CDK8: variants seen among roughly 807,000 people sequenced by gnomAD.
The protein encoded by CDK8 is cyclin dependent kinase 8, also known as cyclin-dependent kinase 8.
A neutral mutation model predicts 71.5 loss-of-function variants in CDK8; 29 were observed. That is an observed-to-expected ratio of 0.41 (90% confidence interval 0.30 to 0.55). The LOEUF is 0.55. CDK8 is among the 20% of genes least tolerant of loss of function. The probability of loss-of-function intolerance (pLI) is 0.37; values close to 1 mark genes in which losing one functional copy is unlikely to be tolerated. For synonymous variants in CDK8, 161 were observed against 192.1 expected (o/e 0.84, Z 1.34); for missense variants, 288 against 572.6 (o/e 0.50, Z 5.07).
intron 1 of CDK8, among the ~76,000 whole-genome samples, chr13:26,272,088 T>C (rs897845178): frequency 2.6e-5 from 4 of 151,962 alleles, no homozygotes; most frequent in Non-Finnish European, 4.4e-5. Flanking sequence ...CTTTTCAGTT[T>C]TTTAAAACTT....
intron 4 of CDK8, among the ~76,000 whole-genome samples, chr13:26,378,803 C>T (rs1244138165): frequency 6.6e-6 from 1 of 152,166 alleles, no homozygotes. Context: ...GGTGCTAGAG[C>T]TTAAAAACTG....
At chr13:26,380,235 A>C (rs1565993293) in intron 4 of CDK8, among the ~76,000 whole-genome samples, 1 of 152,168 alleles carries the variant, frequency 6.6e-6, no homozygotes, top group Non-Finnish European at 1.5e-5. Flanking sequence ...GCTGGAGTGC[A>C]ATGTCCTGAT....
At chr13:26,264,512 T>C (rs1871935392) in intron 1 of CDK8, among the ~76,000 whole-genome samples, 1 of 152,188 alleles carries the variant, frequency 6.6e-6, no homozygotes, top group African/African-American at 2.4e-5. Context: ...GAATGTCTCT[T>C]ATATGATTGG....
chr13:26,300,114 C>T lies in CDK8; in HGVS notation c.129-37453C>T, dbSNP rs183071916. Among the ~76,000 whole-genome samples, 600 of 152,084 alleles carry T rather than the reference C, an allele frequency of 3.9e-3. 2 individuals carry two copies. Among genetic ancestry groups the T allele is most frequent in the Non-Finnish European group, 6.7e-3 (453 of 67,988 alleles). On this transcript the variant is annotated intron_variant, in intron 1 of 12. Transcript: ENST00000381527. ...GTTGCATACCTCAGAAAGGTTTGAA[C>T]GGTGTGTAATCTGCCCAGAGTAAGA... is the stretch of plus-strand genomic sequence containing the variant.
At chr13:26,291,535 G>A (rs933701701) in intron 1 of CDK8, among the ~76,000 whole-genome samples, 1 of 152,082 alleles carries the variant, frequency 6.6e-6, no homozygotes, top group African/African-American at 2.4e-5. Flanking sequence ...AAGTAGAATT[G>A]CACTGTAAAG....
intron 8 of CDK8, 109 bp downstream of exon 8, chr13:26,396,463 A>T (rs911076155): frequency 1.1e-4 from 42 of 387,020 alleles, no homozygotes; most frequent in Non-Finnish European, 9.4e-6. Flanking sequence ...TTACTCTAAT[A>T]AATAATTTTA....
At chr13:26,303,940 A>G (rs1282604414) in intron 1 of CDK8, among the ~76,000 whole-genome samples, 1 of 151,790 alleles carries the variant, frequency 6.6e-6, no homozygotes, top group East Asian at 1.9e-4. Context: ...ATGGTGTACT[A>G]TTTCCCCTCC....
Position 26,254,547 on chromosome 13 carries a change from G to A in CDK8, c.-95G>A. The A allele has an allele frequency of 9.2e-7, 1 of 1,082,674 alleles. No homozygotes were observed. Among genetic ancestry groups the A allele is most frequent in the Non-Finnish European group, 1.3e-6 (1 of 764,236 alleles). The allele number at this position is 1,082,674 out of a possible 1,614,324, so 67.1% of individuals were successfully genotyped here. A position where few individuals can be genotyped will look rare whatever the true frequency, so the allele number is the denominator to read the frequency against. On this transcript the variant is annotated 5_prime_UTR_variant, in exon 1 of 13. Coordinates refer to ENST00000381527, the MANE Select transcript of CDK8 (RefSeq NM_001260.3). The surrounding 1 kb of genome is among the most constrained non-coding windows in gnomAD (Gnocchi z 6.7). ...TGCGGCCGGCGGGCGTAGAGCGGGC[G>A]GGTTCCCGGGGGCTGCGGCTGCCCG...
At chr13:26,285,239 A>G (rs969574319) in intron 1 of CDK8, among the ~76,000 whole-genome samples, 1 of 149,178 alleles carries the variant, frequency 6.7e-6, no homozygotes, top group Non-Finnish European at 1.5e-5. Context: ...TCTCAAAAAA[A>G]CAAAACAAAA....
chr13:26,303,480 T>C (rs1873908403), intron 1 of CDK8, among the ~76,000 whole-genome samples: 2 of 152,196 alleles, frequency 1.3e-5, no homozygotes, highest in Non-Finnish European at 2.9e-5. Context: ...TTTGTATTTT[T>C]TGGTAAAGAC....
At chr13:26,349,042 A>T in intron 2 of CDK8, 30 bp from the exon 3 acceptor site, 1 of 1,245,244 alleles carries the variant, frequency 8.0e-7, no homozygotes, top group African/African-American at 1.5e-5. Flanking sequence ...TTGTGACAGA[A>T]ATAGTTAATG....
chr13:26,315,874 A>G (rs1874487206), intron 1 of CDK8, among the ~76,000 whole-genome samples: 1 of 152,236 alleles, frequency 6.6e-6, no homozygotes, highest in African/African-American at 2.4e-5. Flanking sequence ...CTATGAAACC[A>G]GTTGCACTGG....
At chr13:26,389,216 G>A (rs376902562) in intron 6 of CDK8, among the ~76,000 whole-genome samples, 1 of 152,262 alleles carries the variant, frequency 6.6e-6, no homozygotes, top group East Asian at 1.9e-4. Context: ...AGGCTGGAGT[G>A]CAGTGGTGCA....
chr13:26,386,955 T>C (rs1308965918), intron 6 of CDK8, among the ~76,000 whole-genome samples: 2 of 152,226 alleles, frequency 1.3e-5, no homozygotes, highest in Non-Finnish European at 2.9e-5. Context: ...ATCTTGTATC[T>C]GTGGGAAATT....
chr13:26,320,666 C>T (rs757113496), intron 1 of CDK8, among the ~76,000 whole-genome samples: 1 of 152,014 alleles, frequency 6.6e-6, no homozygotes, highest in Non-Finnish European at 1.5e-5. Flanking sequence ...ATAGAGAGCT[C>T]CTGGAACTCA....
intron 6 of CDK8, among the ~76,000 whole-genome samples, chr13:26,392,921 G>A (rs1044103059): frequency 6.6e-6 from 1 of 152,162 alleles, no homozygotes; most frequent in Non-Finnish European, 1.5e-5. Flanking sequence ...CACTGATTAT[G>A]TTAGGCGAGT....
intron 1 of CDK8, among the ~76,000 whole-genome samples, chr13:26,288,242 G>A (rs1011772852): frequency 2.0e-5 from 3 of 152,150 alleles, no homozygotes; most frequent in East Asian, 1.9e-4. Context: ...GGTTACAGGC[G>A]TGAGCCACTG....
At chr13:26,357,434 T>A (rs1873940228) in intron 4 of CDK8, among the ~76,000 whole-genome samples, 1 of 152,232 alleles carries the variant, frequency 6.6e-6, no homozygotes, top group Non-Finnish European at 1.5e-5. Context: ...TATACACTTG[T>A]CTGTGTCCAC....
Position 26,254,828 on chromosome 13 carries a change from A to G in CDK8, c.128+59A>G, listed in dbSNP as rs1182469298. ...GGGCGGCGCTCCCGCAGGCCGAGGC[A>G]GGTAGCCCGGAGGGAGAGCGGGCCG... On this transcript the variant is annotated intron_variant, in intron 1 of 12. Coordinates refer to ENST00000381527, the MANE Select transcript of CDK8 (RefSeq NM_001260.3). This position sits in a 1 kb window ranked among gnomAD's most constrained non-coding sequence, Gnocchi z 6.7. 16 of 1,586,740 alleles carry G rather than the reference A, an allele frequency of 1.0e-5. No individual in the cohort carries two copies. The highest frequency in any genetic ancestry group is 2.3e-5 in the South Asian group (2 of 88,260).
Sources: allele counts gnomAD v4.1 joint callset (sites outside exome capture counted in the v4.1 genomes callset), GRCh38; gene constraint gnomAD v4.1.1; non-coding constraint Gnocchi (gnomAD v3.1); transcripts MANE v1.5; gene names NCBI Gene and HGNC (gene_info 2026-07-23, HGNC 2026-07-21).